Variants in RNF182 observed in about 807,000 individuals in gnomAD.
The protein encoded by RNF182 is ring finger protein 182, also known as E3 ubiquitin-protein ligase RNF182.
Under a neutral mutation model 14.4 loss-of-function variants are expected in RNF182, and 15 were observed. The observed-to-expected ratio is 1.04, with a 90% CI of 0.70 to 1.60. The LOEUF is 1.60. RNF182 is among the 40% of genes most tolerant of loss of function. The pLI is 0.00. For synonymous variants in RNF182, 128 were observed against 122.9 expected, an observed-to-expected ratio of 1.04 and a Z score of -0.27; for missense variants, 268 against 294.8, an observed-to-expected ratio of 0.91 and a Z score of 0.67.
At chr6:13,930,441 G>A (rs776717772) in intron 1 of RNF182, among the ~76,000 whole-genome samples, 2 of 152,050 alleles carry the variant, frequency 1.3e-5, no homozygotes, top group African/African-American at 2.4e-5. Context: ...ATTGCCTCAC[G>A]GGGTTATCCT....
At chr6:13,924,847 G>GT (rs1758769730), upstream of RNF182, 1 of 150,854 alleles carries the variant, frequency 6.6e-6, no homozygotes, top group Non-Finnish European at 1.5e-5. Flanking sequence ...GGCCGGGGGG[G>GT]CCCCGGCGGT....
chr6:13,958,742 G>A (rs1759791353), intron 1 of RNF182, among the ~76,000 whole-genome samples: 1 of 152,146 alleles, frequency 6.6e-6, no homozygotes, highest in Admixed American at 6.5e-5. Context: ...TAAACAGAGT[G>A]CCATAATAGA....
At chr6:13,939,063 A>C (rs1268782751) in intron 1 of RNF182, among the ~76,000 whole-genome samples, 1 of 152,196 alleles carries the variant, frequency 6.6e-6, no homozygotes, top group Non-Finnish European at 1.5e-5. Flanking sequence ...AGCCTGGGCA[A>C]CAAGAGCAAG....
chr6:13,957,432 G>C (rs1172721126), intron 1 of RNF182, among the ~76,000 whole-genome samples: 1 of 152,192 alleles, frequency 6.6e-6, no homozygotes, highest in Non-Finnish European at 1.5e-5. Context: ...AAATGTGGTA[G>C]AATATAGAAA....
intron 1 of RNF182, among the ~76,000 whole-genome samples, chr6:13,955,037 C>T (rs1226990336): frequency 3.9e-5 from 6 of 152,230 alleles, no homozygotes; most frequent in African/African-American, 1.2e-4. Flanking sequence ...CTGTTTTTTG[C>T]TTTGTGATTT....
intron 1 of RNF182, among the ~76,000 whole-genome samples, chr6:13,927,187 C>T (rs9396262): frequency 0.31 from 46,850 of 152,020 alleles, 7,816 homozygotes; most frequent in East Asian, 0.57. Context: ...AAGCTTGTGT[C>T]AGTGCAGTGG....
chr6:13,946,043 A>C (rs1418464149), intron 1 of RNF182, among the ~76,000 whole-genome samples: 1 of 152,066 alleles, frequency 6.6e-6, no homozygotes, highest in African/African-American at 2.4e-5. Context: ...GGAAAAAGTC[A>C]TGGGGAGATG....
In RNF182 at chr6:13,978,457, C is replaced by T. The variant is rs1240025805; in HGVS notation, c.*594C>T. On this transcript the variant is annotated 3_prime_UTR_variant, in exon 3 of 3. Transcript: ENST00000488300. ...AGTTTCAACTGAATACCAGTTTTGC[C>T]ACATTACTAAGGAGAATGAAAAGCA... The T allele has an allele frequency of 1.2e-5, 2 of 166,478 alleles. No homozygotes were observed. The highest frequency in any genetic ancestry group is 1.9e-4 in the East Asian group (1 of 5,200). 10.3% of individuals were successfully genotyped at this position (166,478 alleles called of 1,614,324 possible).
At chr6:13,964,365 A>G (rs1457379540) in intron 1 of RNF182, among the ~76,000 whole-genome samples, 1 of 152,242 alleles carries the variant, frequency 6.6e-6, no homozygotes, top group Non-Finnish European at 1.5e-5. Context: ...TTTATGTAAT[A>G]GCCGCTGAAC....
intron 1 of RNF182, among the ~76,000 whole-genome samples, chr6:13,967,937 C>T (rs1206281361): frequency 6.6e-6 from 1 of 152,106 alleles, no homozygotes; most frequent in Non-Finnish European, 1.5e-5. Context: ...GGTACACAAT[C>T]TATTCCACAA....
At chr6:13,971,913 C>T (rs1399364587) in intron 1 of RNF182, among the ~76,000 whole-genome samples, 1 of 152,124 alleles carries the variant, frequency 6.6e-6, no homozygotes, top group Non-Finnish European at 1.5e-5. Context: ...TTCTAAGCAG[C>T]AAAGCATTCA....
intron 1 of RNF182, among the ~76,000 whole-genome samples, chr6:13,925,831 A>T (rs1353523065): frequency 6.6e-6 from 1 of 152,152 alleles, no homozygotes; most frequent in African/African-American, 2.4e-5. Context: ...GAGTGGGATG[A>T]TGAGGACCAC....
At chr6:13,927,332 C>G (rs1182427447) in intron 1 of RNF182, among the ~76,000 whole-genome samples, 1 of 152,168 alleles carries the variant, frequency 6.6e-6, no homozygotes, top group Non-Finnish European at 1.5e-5. Flanking sequence ...TGTTTTCTGT[C>G]CATGGTTTAG....
intron 1 of RNF182, among the ~76,000 whole-genome samples, chr6:13,942,351 A>T (rs1048680272): frequency 9.2e-5 from 14 of 151,976 alleles, no homozygotes; most frequent in African/African-American, 2.4e-4. Flanking sequence ...ATTAAAAAAA[A>T]TTTTTTTTGA....
intron 1 of RNF182, among the ~76,000 whole-genome samples, chr6:13,946,140 C>T (rs1759433808): frequency 7.3e-6 from 1 of 137,414 alleles, no homozygotes; most frequent in Non-Finnish European, 1.5e-5. Flanking sequence ...TAAAGCAAAA[C>T]ATTATTATTA....
intron 1 of RNF182, among the ~76,000 whole-genome samples, chr6:13,956,802 T>C (rs1247442392): frequency 6.6e-6 from 1 of 152,128 alleles, no homozygotes; most frequent in Non-Finnish European, 1.5e-5. Context: ...ATAGGAAGAA[T>C]GTATTTATAA....
intron 1 of RNF182, among the ~76,000 whole-genome samples, chr6:13,953,519 A>T (rs1759647836): frequency 6.6e-6 from 1 of 152,104 alleles, no homozygotes. Context: ...CAGGGAACAG[A>T]GTGGAGGAAG....
intron 1 of RNF182, among the ~76,000 whole-genome samples, chr6:13,935,150 C>T (rs944587500): frequency 8.6e-5 from 13 of 152,046 alleles, no homozygotes; most frequent in African/African-American, 2.9e-4. Context: ...TGCAAGGGGG[C>T]AAGATTGGTA....
At chr6:13,939,787 C>T in intron 1 of RNF182, among the ~76,000 whole-genome samples, 1 of 152,226 alleles carries the variant, frequency 6.6e-6, no homozygotes, top group East Asian at 1.9e-4. Flanking sequence ...TCGTGATCCA[C>T]CCGCCTCAGC....
Sources: allele counts gnomAD v4.1 joint callset (sites outside exome capture counted in the v4.1 genomes callset), GRCh38; gene constraint gnomAD v4.1.1; transcripts MANE v1.5; gene names NCBI Gene and HGNC (gene_info 2026-07-23, HGNC 2026-07-21).